The following PRKDC variants were observed in gnomAD, a reference collection of about 807,000 sequenced individuals.
The protein encoded by PRKDC is protein kinase, DNA-activated, catalytic subunit.
Under a neutral mutation model 486.9 loss-of-function variants are expected in PRKDC, and 82 were observed. That is an observed-to-expected ratio of 0.17 (90% CI 0.14 to 0.20). The LOEUF is 0.20. PRKDC is among the 10% of genes least tolerant of loss of function. PRKDC has a pLI of 1.00. For synonymous variants in PRKDC, 1,895 were observed against 1,837.0 expected (o/e 1.03, Z -0.81); for missense variants, 4,504 against 5,038.2 (o/e 0.89, Z 3.21).
intron 25 of PRKDC, among the ~76,000 whole-genome samples, chr8:47,908,359 C>A (rs1055391500): frequency 1.3e-5 from 2 of 152,152 alleles, no homozygotes; most frequent in Non-Finnish European, 2.9e-5. Flanking sequence ...AAAATCTGAT[C>A]TCTTCAGTAG....
At chr8:47,783,683 A>G in intron 78 of PRKDC, 59 bp downstream of exon 78, 1 of 1,543,594 alleles carries the variant, frequency 6.5e-7, no homozygotes, top group African/African-American at 1.4e-5. Flanking sequence ...CAAACAGATC[A>G]TTCTCATCTG....
At chr8:47,957,127 G>T (rs753981338) in intron 3 of PRKDC, 44 bp downstream of exon 3, 1 of 1,279,984 alleles carries the variant, frequency 7.8e-7, no homozygotes, top group Non-Finnish European at 1.1e-6. Flanking sequence ...AGTTAAAACA[G>T]ATGTTGATAT....
At position 47,915,416 on chromosome 8, in the gene PRKDC, G is replaced by A. The variant is rs576550975; in HGVS notation, c.2529C>T (p.Asn843=). The change falls in exon 23 of 86, where the codon AAC becomes AAT. Residue 843 remains asparagine (N), a splice_region_variant and synonymous_variant. Transcript: ENST00000314191. ...TTATTTCTTCTAAGGATATTGCTTCGTTCTGTAAATTTGAACAATTGTATA... is the reference window on the plus strand; with the variant it reads ...TTATTTCTTCTAAGGATATTGCTTCATTCTGTAAATTTGAACAATTGTATA... ...HLKKTKNLSS[N]EAISLEEIRI... 560 of 1,515,434 alleles carry A rather than the reference G, an allele frequency of 3.7e-4. 3 individuals are homozygous for A. The South Asian group carries it at 6.2e-3, about 17-fold the overall frequency. 93.9% of individuals were successfully genotyped at this position (1,515,434 alleles called of 1,614,324 possible). A position where few individuals can be genotyped will look rare whatever the true frequency, so the allele number is the denominator to read the frequency against.
At chr8:47,855,406 C>T (rs751652388) in intron 49 of PRKDC, 33 bp from the exon 50 acceptor site, 13 of 1,530,284 alleles carry the variant, frequency 8.5e-6, no homozygotes, top group South Asian at 6.3e-5. Flanking sequence ...TATTAATATG[C>T]GGCATTCCAT....
In PRKDC at chr8:47,837,245, C is replaced by T. The variant is rs780872631; in HGVS notation, c.7728G>A (p.Met2576Ile). The change falls in exon 57 of 86, where the codon ATG (methionine) becomes ATA (isoleucine). Residue 2576 changes from methionine (M) to isoleucine (I), a missense_variant. Physicochemically the swap from Met to Ile is conservative, Grantham distance 10. Coordinates refer to ENST00000314191, the MANE Select transcript of PRKDC (RefSeq NM_006904.7). Reference sequence around the variant, plus strand: ...CGCATTCTGACAGAGGATGCTCGAACATGGGGTTTGGATAATCTGGGCTCA... The same window carrying T: ...CGCATTCTGACAGAGGATGCTCGAATATGGGGTTTGGATAATCTGGGCTCA... ...TSMSPDYPNP[M>I]FEHPLSECEF... The T allele has an allele frequency of 1.2e-6, 2 of 1,613,920 alleles. No individual in the cohort carries two copies. Among genetic ancestry groups the T allele is most frequent in the South Asian group, 2.2e-5 (2 of 91,040 alleles).
intron 25 of PRKDC, 126 bp from the exon 26 acceptor site, chr8:47,905,102 T>A (rs2089754001): frequency 1.5e-6 from 1 of 664,458 alleles, no homozygotes. Context: ...GTTGTATTAG[T>A]TTCCTTTTTT....
At chr8:47,836,577 C>T (rs45580234) in intron 57 of PRKDC, 50 bp from the exon 58 acceptor site, 4 of 1,461,948 alleles carry the variant, frequency 2.7e-6, no homozygotes, top group Non-Finnish European at 3.7e-6. Context: ...TGAAATAATG[C>T]TCCTTTTTTA....
At chr8:47,859,892 A>T in intron 45 of PRKDC, 133 bp from the exon 46 acceptor site, 8 of 938,578 alleles carry the variant, frequency 8.5e-6, no homozygotes, top group Non-Finnish European at 1.2e-5. Flanking sequence ...GTGATTATTA[A>T]CCTATTATCC....
intron 13 of PRKDC, among the ~76,000 whole-genome samples, chr8:47,935,354 G>T (rs2090330883): frequency 6.6e-6 from 1 of 152,018 alleles, no homozygotes. Flanking sequence ...ACAAAAATTA[G>T]CCGGGCATGG....
At position 47,832,002 on chromosome 8, in the gene PRKDC, T is replaced by C. The variant is rs1283446309; in HGVS notation, c.8153-76A>G. 15 of 1,376,994 alleles carry C rather than the reference T, an allele frequency of 1.1e-5. No individual in the cohort carries two copies. In the Admixed American group the frequency reaches 2.8e-4, roughly 25 times the overall value. 85.3% of individuals were successfully genotyped at this position (1,376,994 alleles called of 1,614,324 possible). A position where few individuals can be genotyped will look rare whatever the true frequency, so the allele number is the denominator to read the frequency against. ...TCTGCTGGTTCATTTTCACCTCGGGTTTCCTCAAAGACAAAACCTACAGGT... is the reference window on the plus strand; with the variant it reads ...TCTGCTGGTTCATTTTCACCTCGGGCTTCCTCAAAGACAAAACCTACAGGT... On this transcript the variant is annotated intron_variant, in intron 59 of 85. Transcript: ENST00000314191.
intron 54 of PRKDC, among the ~76,000 whole-genome samples, chr8:47,845,558 C>T (rs190818822): frequency 9.6e-4 from 146 of 152,056 alleles, no homozygotes; most frequent in African/African-American, 3.5e-3. Flanking sequence ...TAGATACATT[C>T]CTGGAAACAT....
Position 47,957,568 on chromosome 8 carries a change from C to T in PRKDC, c.155-137G>A, listed in dbSNP as rs8178002. The stretch of plus-strand genomic sequence containing the variant: ...CTCTGTCGCCCAGGCTGGAGTGCAG[C>T]GGCGCGATCTCGGCTCACTGCAACC... On this transcript the variant is annotated intron_variant, in intron 1 of 85. Coordinates refer to ENST00000314191, the MANE Select transcript of PRKDC (RefSeq NM_006904.7). The T allele has an allele frequency of 8.3e-4, 567 of 683,044 alleles. 4 individuals are homozygous for T. In the African/African-American group the frequency reaches 9.6e-3, roughly 12 times the overall value. 42.3% of individuals were successfully genotyped at this position (683,044 alleles called of 1,614,324 possible).
chr8:47,866,174 A>T (rs1334708691), intron 40 of PRKDC, among the ~76,000 whole-genome samples: 1 of 151,618 alleles, frequency 6.6e-6, no homozygotes, highest in Non-Finnish European at 1.5e-5. Flanking sequence ...AAAAAAAAAA[A>T]AAAAAGAGGC....
chr8:47,836,489 A>C lies in PRKDC; in HGVS notation c.7800T>G (p.Thr2600=), dbSNP rs548646392. The C allele has an allele frequency of 5.0e-6, 8 of 1,609,300 alleles. No homozygotes were observed. In the South Asian group the frequency reaches 8.9e-5, roughly 18 times the overall value. Residue 2600 remains threonine, a synonymous_variant, in exon 58 of 86, where the codon ACT becomes ACG. Transcript: ENST00000314191. ...TIDSDWRFRS[T]VLTPMFVETQ... ...TCTCCACAAACATCGGAGTGAGAACAGTACTTCGGAAACGCCAATCAGAAT... is the reference window on the plus strand; with the variant it reads ...TCTCCACAAACATCGGAGTGAGAACCGTACTTCGGAAACGCCAATCAGAAT...
rs372957799 is a variant in PRKDC at position 47,959,550 on chromosome 8, G to A, written c.154+423C>T. 5.3e-5 allele frequency among the ~76,000 whole-genome samples: 8 copies of A among 151,920 alleles called. No homozygotes were observed. The South Asian group carries it at 1.0e-3, about 20-fold the overall frequency. Reference sequence around the variant, plus strand: ...AAAAATTAGCCGGGCGTGGTGGCGCGCGCCTGTAATCCCAGCTACTCGGGG... The same window carrying A: ...AAAAATTAGCCGGGCGTGGTGGCGCACGCCTGTAATCCCAGCTACTCGGGG... On this transcript the variant is annotated intron_variant, in intron 1 of 85. Coordinates refer to ENST00000314191, the MANE Select transcript of PRKDC (RefSeq NM_006904.7).
chr8:47,913,409 T>A (rs2089937868), intron 24 of PRKDC, among the ~76,000 whole-genome samples: 1 of 152,222 alleles, frequency 6.6e-6, no homozygotes. Context: ...GCAATTTTTT[T>A]TTTTTGAGAC....
At chr8:47,884,332 T>A (rs2089283452) in intron 36 of PRKDC, among the ~76,000 whole-genome samples, 1 of 152,220 alleles carries the variant, frequency 6.6e-6, no homozygotes, top group South Asian at 2.1e-4. Context: ...TCTGCCCTGC[T>A]GGGGCTCAGC....
rs534843177 is a variant in PRKDC at position 47,776,883 on chromosome 8, T to C, written c.12143A>G (p.Lys4048Arg). ...WYPRQKICYA[K>R]RKLAGANPAV... Reference sequence around the variant, plus strand: ...TGGATTGGCACCTGCTAACTTTCTCTTAGCGTAACATATTTTCTGTCGGGG... The same window carrying C: ...TGGATTGGCACCTGCTAACTTTCTCCTAGCGTAACATATTTTCTGTCGGGG... The change falls in exon 85 of 86, where the codon AAG (lysine) becomes AGG (arginine). Residue 4048 changes from lysine (K) to arginine (R), a missense_variant. By Grantham distance (26) the Lys-to-Arg change is conservative. This residue lies in a region of PRKDC where 706 missense variants were observed against 945.0 expected (regional missense o/e 0.75). Coordinates refer to ENST00000314191, the MANE Select transcript of PRKDC (RefSeq NM_006904.7). 1.5e-5 allele frequency: 24 copies of C among 1,614,042 alleles called. No homozygotes were observed. In the South Asian group the frequency reaches 2.5e-4, roughly 17 times the overall value.
Position 47,930,366 on chromosome 8 carries a change from G to A in PRKDC, c.1892+306C>T, listed in dbSNP as rs8178036. Among the ~76,000 whole-genome samples the A allele has an allele frequency of 6.3e-3, 955 of 152,206 alleles. 8 individuals carry two copies. Among genetic ancestry groups the A allele is most frequent in the Non-Finnish European group, 0.01 (713 of 68,002 alleles). ...CGGCTCACTGCAAGCTCCACCTCCC[G>A]GGTTCATGCCATTCTCCTGCCTCAG... On this transcript the variant is annotated intron_variant, in intron 17 of 85. Transcript: ENST00000314191.
Sources: gnomAD v4.1 joint callset for allele counts (sites outside exome capture counted in the v4.1 genomes callset) on GRCh38, gnomAD v4.1.1 for gene constraint, gnomAD v4.1.1 regional missense constraint, MANE v1.5 for transcripts, NCBI Gene and HGNC (gene_info 2026-07-23, HGNC 2026-07-21) for gene names.